The following LRRIQ3 variants were observed in gnomAD, a reference collection of about 807,000 sequenced individuals.
LRRIQ3 encodes leucine rich repeats and IQ motif containing 3.
A neutral mutation model predicts 59.3 loss-of-function variants in LRRIQ3; 75 were observed. The observed-to-expected ratio is 1.26, with a 90% CI of 1.05 to 1.53. LRRIQ3 has a LOEUF of 1.53. Ranked by LOEUF, LRRIQ3 falls within the 40% of genes most tolerant of loss-of-function variation. LRRIQ3 has a pLI of 0.00. For missense variants in LRRIQ3, 831 were observed against 710.0 expected (o/e 1.17, Z -1.94); for synonymous variants, 250 against 231.3 (o/e 1.08, Z -0.73).
intron 3 of LRRIQ3, among the ~76,000 whole-genome samples, chr1:74,176,936 G>A (rs1430807644): frequency 6.6e-6 from 1 of 152,046 alleles, no homozygotes; most frequent in Non-Finnish European, 1.5e-5. Flanking sequence ...AAAAGGTAGA[G>A]GTCTAAACTC....
At chr1:74,132,071 T>C (rs1223497563) in intron 4 of LRRIQ3, among the ~76,000 whole-genome samples, 1 of 152,106 alleles carries the variant, frequency 6.6e-6, no homozygotes, top group African/African-American at 2.4e-5. Context: ...CAAACGTTCT[T>C]ATGCACCAAT....
intron 4 of LRRIQ3, among the ~76,000 whole-genome samples, chr1:74,124,405 T>C (rs1039642678): frequency 6.6e-6 from 1 of 152,004 alleles, no homozygotes; most frequent in Admixed American, 6.6e-5. Context: ...TTGCCTGTGC[T>C]TGTGGAGTAT....
chr1:74,077,275 C>G (rs535917629), intron 5 of LRRIQ3, among the ~76,000 whole-genome samples: 1 of 151,892 alleles, frequency 6.6e-6, no homozygotes, highest in Non-Finnish European at 1.5e-5. Flanking sequence ...TGCCTCCTAA[C>G]GATGCAATTC....
At chr1:74,125,485 G>C (rs1646922316) in intron 4 of LRRIQ3, among the ~76,000 whole-genome samples, 1 of 151,692 alleles carries the variant, frequency 6.6e-6, no homozygotes, top group Non-Finnish European at 1.5e-5. Context: ...TCTAGCTGTA[G>C]GTCTTTAGTA....
chr1:74,114,135 C>T (rs967425221), intron 4 of LRRIQ3, among the ~76,000 whole-genome samples: 1 of 151,736 alleles, frequency 6.6e-6, no homozygotes, highest in African/African-American at 2.4e-5. Context: ...AATAGTGAAA[C>T]TACCTCAAAT....
At chr1:74,139,498 C>G (rs1480330338) in intron 4 of LRRIQ3, among the ~76,000 whole-genome samples, 1 of 151,826 alleles carries the variant, frequency 6.6e-6, no homozygotes, top group Non-Finnish European at 1.5e-5. Flanking sequence ...TTTATCTGAT[C>G]CCTACATCTA....
chr1:74,135,795 A>C (rs1647112258), intron 4 of LRRIQ3, among the ~76,000 whole-genome samples: 1 of 151,910 alleles, frequency 6.6e-6, no homozygotes, highest in South Asian at 2.1e-4. Context: ...GAAATGTCTC[A>C]AATCAAAATC....
At chr1:74,106,905 G>A (rs985421426) in intron 5 of LRRIQ3, among the ~76,000 whole-genome samples, 1 of 151,932 alleles carries the variant, frequency 6.6e-6, no homozygotes. Context: ...ATACCTGTAA[G>A]CCATGGAAAA....
intron 4 of LRRIQ3, among the ~76,000 whole-genome samples, chr1:74,149,370 A>G (rs1449219846): frequency 1.3e-5 from 2 of 152,130 alleles, no homozygotes; most frequent in Non-Finnish European, 2.9e-5. Flanking sequence ...ACAACTATTT[A>G]GTATTTTTAT....
rs2100344984 is a variant in LRRIQ3 at position 74,026,703 on chromosome 1, C to G, written c.*110G>C. On this transcript the variant is annotated 3_prime_UTR_variant, in exon 8 of 8. Coordinates refer to ENST00000354431, the MANE Select transcript of LRRIQ3 (RefSeq NM_001105659.2). ...ATTTTTAGAAGACTTATATATAAAT[C>G]CATCTTGTGATGTAGAGTATTTCTT... 1.3e-6 allele frequency: 1 copy of G among 787,144 alleles called. No homozygotes were observed. Among genetic ancestry groups the G allele is most frequent in the South Asian group, 1.9e-5 (1 of 51,954 alleles). The allele number at this position is 787,144 out of a possible 1,614,324, so 48.8% of individuals were successfully genotyped here.
chr1:74,154,240 C>CAAAAAAAAAAAAAAAAA lies in LRRIQ3; in HGVS notation c.707+1476_707+1492dup, dbSNP rs71078186. 3.8e-4 allele frequency among the ~76,000 whole-genome samples: 22 copies of CAAAAAAAAAAAAAAAAA among 57,278 alleles called. 1 individual carries two copies. Among genetic ancestry groups the CAAAAAAAAAAAAAAAAA allele is most frequent in the Middle Eastern group, 0.014 (1 of 70 alleles). The allele number at this position is 57,278 out of a possible 152,430, so 37.6% of individuals were successfully genotyped here. ...TGGGCGACAGAGCGAGACTCCTTCTCAAAAAAAAAAAAAAAAAAAAAAAAA... is the reference window on the plus strand; with the variant it reads ...TGGGCGACAGAGCGAGACTCCTTCTCAAAAAAAAAAAAAAAAAAAAAAAAAAAAAAAAAAAAAAAAAA... On this transcript the variant is annotated intron_variant, in intron 4 of 7. Coordinates refer to ENST00000354431, the MANE Select transcript of LRRIQ3 (RefSeq NM_001105659.2).
chr1:74,105,902 G>A (rs899345474), intron 5 of LRRIQ3, among the ~76,000 whole-genome samples: 1 of 152,008 alleles, frequency 6.6e-6, no homozygotes, highest in Non-Finnish European at 1.5e-5. Context: ...AGAGCTGAAT[G>A]CCAGGTTATT....
chr1:74,069,785 A>G (rs1243663283), intron 6 of LRRIQ3, among the ~76,000 whole-genome samples: 2 of 152,100 alleles, frequency 1.3e-5, no homozygotes, highest in Non-Finnish European at 2.9e-5. Flanking sequence ...AAATTGTAAT[A>G]TCATCCTTAC....
chr1:74,156,153 C>G (rs1222085306), intron 3 of LRRIQ3, among the ~76,000 whole-genome samples: 4 of 152,062 alleles, frequency 2.6e-5, no homozygotes, highest in Non-Finnish European at 2.9e-5. Context: ...GAGTGAACTT[C>G]TTGCTCATAT....
At chr1:74,107,241 C>G (rs1646627672) in intron 5 of LRRIQ3, among the ~76,000 whole-genome samples, 1 of 151,984 alleles carries the variant, frequency 6.6e-6, no homozygotes, top group East Asian at 1.9e-4. Context: ...ATTACTTCAT[C>G]TAATTACTGA....
intron 5 of LRRIQ3, among the ~76,000 whole-genome samples, chr1:74,103,191 A>G (rs761844465): frequency 4.0e-5 from 6 of 151,774 alleles, no homozygotes; most frequent in Admixed American, 6.6e-5. Flanking sequence ...CATTGTTTAT[A>G]TTTCCCTCAT....
intron 7 of LRRIQ3, among the ~76,000 whole-genome samples, chr1:74,029,559 T>C (rs1199098447): frequency 6.6e-6 from 1 of 152,070 alleles, no homozygotes; most frequent in Non-Finnish European, 1.5e-5. Context: ...CACTTGATCA[T>C]GGTGGATAAG....
Position 74,041,681 on chromosome 1 carries a change from A to C in LRRIQ3, c.1250T>G (p.Leu417Arg), listed in dbSNP as rs1427469511. 4 of 1,613,528 alleles carry C rather than the reference A, an allele frequency of 2.5e-6. No homozygotes were observed. The highest frequency in any genetic ancestry group is 3.4e-6 in the Non-Finnish European group (4 of 1,179,802). ...FFAPQRAGMK[L>R]RTFSDIDKYY... Reference sequence around the variant, plus strand: ...TTTGTCAATATCACTAAATGTTCGGAGTTTCATACCAGCTCTTTGTGGTGC... The same window carrying C: ...TTTGTCAATATCACTAAATGTTCGGCGTTTCATACCAGCTCTTTGTGGTGC... The change falls in exon 7 of 8, where the codon CTC (leucine) becomes CGC (arginine). Residue 417 changes from leucine (L) to arginine (R), a missense_variant. Transcript: ENST00000354431.
In LRRIQ3 at chr1:74,041,779, T is replaced by C; in HGVS notation, c.1152A>G (p.Pro384=). The change falls in exon 7 of 8, where the codon CCA becomes CCG. Residue 384 remains proline, a synonymous_variant. Coordinates refer to ENST00000354431, the MANE Select transcript of LRRIQ3 (RefSeq NM_001105659.2). ...TTGGCTTTGGATGAGTAGTATAGAT[T>C]GGCTGAGGATATGCAGGAAAAAAAT... ...KQHFFPAYPQ[P]IYTTHPKPII... 6.2e-7 allele frequency: 1 copy of C among 1,613,758 alleles called. No individual in the cohort carries two copies. Among genetic ancestry groups the C allele is most frequent in the Non-Finnish European group, 8.5e-7 (1 of 1,179,780 alleles).
Sources: allele counts gnomAD v4.1 joint callset (sites outside exome capture counted in the v4.1 genomes callset), GRCh38; gene constraint gnomAD v4.1.1; transcripts MANE v1.5; gene names NCBI Gene and HGNC (gene_info 2026-07-23, HGNC 2026-07-21).